Variants in LARP4B observed in about 807,000 individuals in gnomAD.
LARP4B encodes La ribonucleoprotein 4B, also known as la-related protein 4B.
Under a neutral mutation model 89.8 loss-of-function variants are expected in LARP4B, and 12 were observed. That is an observed-to-expected ratio of 0.13 (90% CI 0.09 to 0.22). The LOEUF (loss-of-function observed/expected upper bound fraction) is 0.22, where lower values mean the gene tolerates loss of function less well. Among genes scored for constraint, LARP4B ranks in the 10% least tolerant of loss-of-function variants. The probability of loss-of-function intolerance (pLI) is 1.00; values close to 1 mark genes in which losing one functional copy is unlikely to be tolerated. For synonymous variants in LARP4B, 367 were observed against 363.3 expected (o/e 1.01, Z -0.12); for missense variants, 757 against 947.7 (o/e 0.80, Z 2.64).
At position 810,316 on chromosome 10, in the gene LARP4B, A is replaced by T. The variant is rs1307958914; in HGVS notation, c.*2610T>A. The T allele has an allele frequency of 1.3e-5, 2 of 152,210 alleles. No individual in the cohort carries two copies. Among genetic ancestry groups the T allele is most frequent in the African/African-American group, 4.8e-5 (2 of 41,442 alleles). 9.4% of individuals were successfully genotyped at this position (152,210 alleles called of 1,614,324 possible). A position where few individuals can be genotyped will look rare whatever the true frequency, so the allele number is the denominator to read the frequency against. On this transcript the variant is annotated 3_prime_UTR_variant, in exon 18 of 18. Transcript: ENST00000316157. ...TCTTGAAGTAGTATCAGGTTTTTTC[A>T]GACATTATATAGCAATCTGTATTTC...
intron 5 of LARP4B, among the ~76,000 whole-genome samples, chr10:852,174 C>A (rs530966059): frequency 7.4e-4 from 112 of 152,280 alleles, no homozygotes; most frequent in Middle Eastern, 3.4e-3. Flanking sequence ...TAATACGTAA[C>A]CTCTTCCAAA....
chr10:871,818 C>T (rs759501377), intron 3 of LARP4B, among the ~76,000 whole-genome samples: 2 of 152,138 alleles, frequency 1.3e-5, no homozygotes, highest in Non-Finnish European at 2.9e-5. Context: ...GCTTTGTTAA[C>T]GTCCAAGTAG....
intron 1 of LARP4B, among the ~76,000 whole-genome samples, chr10:899,240 G>T (rs530662033): frequency 1.9e-4 from 29 of 152,194 alleles, no homozygotes; most frequent in Admixed American, 9.8e-4. Flanking sequence ...CCTTACACGG[G>T]GATCTTCAAG....
intron 5 of LARP4B, among the ~76,000 whole-genome samples, chr10:856,420 A>G (rs1834305071): frequency 1.3e-5 from 2 of 152,254 alleles, no homozygotes; most frequent in Non-Finnish European, 2.9e-5. Context: ...AAAATCTAAA[A>G]AGAACAATTA....
intron 1 of LARP4B, among the ~76,000 whole-genome samples, chr10:909,304 A>AACC (rs1836600578): frequency 6.6e-6 from 1 of 151,432 alleles, no homozygotes; most frequent in Non-Finnish European, 1.5e-5. Context: ...AAAAAAAAAA[A>AACC]AAAAAAAAGG....
intron 1 of LARP4B, among the ~76,000 whole-genome samples, chr10:890,933 T>C (rs11253492): frequency 0.16 from 23,830 of 152,082 alleles, 2,029 homozygotes; most frequent in Non-Finnish European, 0.19. Flanking sequence ...ATATTAATAG[T>C]TTAGCAATCA....
chr10:904,489 G>A (rs1309274146), intron 1 of LARP4B, among the ~76,000 whole-genome samples: 3 of 150,080 alleles, frequency 2.0e-5, no homozygotes, highest in Non-Finnish European at 3.0e-5. Flanking sequence ...GGGGGGCGGA[G>A]GGTTGGGGGG....
chr10:877,702 A>T (rs998577928), intron 3 of LARP4B, among the ~76,000 whole-genome samples: 3 of 152,196 alleles, frequency 2.0e-5, no homozygotes, highest in Non-Finnish European at 4.4e-5. Context: ...GTGTTAGGAG[A>T]GTGCACAGTA....
chr10:881,142 A>G (rs555491888), intron 3 of LARP4B, among the ~76,000 whole-genome samples: 1 of 152,224 alleles, frequency 6.6e-6, no homozygotes, highest in Non-Finnish European at 1.5e-5. Context: ...ACCTTTAACC[A>G]AACGACACTG....
At chr10:849,243 TTCTGATA>T (rs1184669082) in intron 5 of LARP4B, among the ~76,000 whole-genome samples, 2 of 152,204 alleles carry the variant, frequency 1.3e-5, no homozygotes, top group Non-Finnish European at 2.9e-5. Flanking sequence ...CAATCTTGGT[TTCTGATA>T]TCACTGTCCA....
Position 811,175 on chromosome 10 carries a change from T to C in LARP4B, c.*1751A>G, listed in dbSNP as rs778082233. The C allele has an allele frequency of 1.3e-5, 2 of 152,612 alleles. No individual in the cohort carries two copies. Among genetic ancestry groups the C allele is most frequent in the Non-Finnish European group, 2.9e-5 (2 of 68,036 alleles). The allele number at this position is 152,612 out of a possible 1,614,324, so 9.5% of individuals were successfully genotyped here. On this transcript the variant is annotated 3_prime_UTR_variant, in exon 18 of 18. Transcript: ENST00000316157. ...AGGCAGAATCAGTTCAACACACCGA[T>C]GTAAGAGAAAAAAGAAAATCTCAAC...
At chr10:895,176 A>G (rs993878582) in intron 1 of LARP4B, among the ~76,000 whole-genome samples, 7 of 152,036 alleles carry the variant, frequency 4.6e-5, no homozygotes, top group African/African-American at 9.7e-5. Context: ...ACAGAGTGAG[A>G]CTCAGTCTCA....
intron 1 of LARP4B, among the ~76,000 whole-genome samples, chr10:925,325 TC>T (rs1206371309): frequency 6.6e-6 from 1 of 152,176 alleles, no homozygotes; most frequent in Non-Finnish European, 1.5e-5. Flanking sequence ...TGAACCCTTT[TC>T]TTACCGTAAT....
At chr10:837,960 A>G (rs1007512594) in intron 7 of LARP4B, among the ~76,000 whole-genome samples, 1 of 152,120 alleles carries the variant, frequency 6.6e-6, no homozygotes, top group African/African-American at 2.4e-5. Flanking sequence ...ACAGCTGTAC[A>G]CTTAGAGAGC....
chr10:934,800 T>C (rs1166056350), upstream of LARP4B, among the ~76,000 whole-genome samples: 1 of 152,232 alleles, frequency 6.6e-6, no homozygotes, highest in African/African-American at 2.4e-5. Context: ...CTGTCAATCC[T>C]ACCTAAAAAC....
In LARP4B at chr10:825,197, C is replaced by G. The variant is rs750590095; in HGVS notation, c.1352G>C (p.Ser451Thr). ...TADRLINGVR[S>T]PQTRQAGQTR... ...TTGACCTGCTTGCCTTGTTTGTGGACTCCGGACACCATTAATTAATCGATC... is the reference window on the plus strand; with the variant it reads ...TTGACCTGCTTGCCTTGTTTGTGGAGTCCGGACACCATTAATTAATCGATC... The change falls in exon 13 of 18, where the codon AGT becomes ACT. Residue 451 changes from serine (S) to threonine (T), a missense_variant. Transcript: ENST00000316157. 1.2e-6 allele frequency: 2 copies of G among 1,614,142 alleles called. No homozygotes were observed. Among genetic ancestry groups the G allele is most frequent in the Non-Finnish European group, 1.7e-6 (2 of 1,180,030 alleles).
At chr10:983,560 A>G in the LARP4B span, among the ~76,000 whole-genome samples, 4 of 152,146 alleles carry the variant, frequency 2.6e-5, no homozygotes, top group African/African-American at 4.8e-5. Flanking sequence ...CTGTGCTCAC[A>G]TGGTCTCTCC....
the LARP4B span, among the ~76,000 whole-genome samples, chr10:945,927 C>G: frequency 4.6e-5 from 7 of 152,174 alleles, no homozygotes; most frequent in Non-Finnish European, 1.0e-4. Context: ...TGCCATCTGC[C>G]TGCCAGGGAG....
the LARP4B span, chr10:987,934 G>A: frequency 6.6e-6 from 1 of 152,492 alleles, no homozygotes; most frequent in African/African-American, 2.4e-5. Context: ...CCGGGATCAA[G>A]TCCCACGCGC....
Sources: gnomAD v4.1 joint callset for allele counts (sites outside exome capture counted in the v4.1 genomes callset) on GRCh38, gnomAD v4.1.1 for gene constraint, MANE v1.5 for transcripts, NCBI Gene and HGNC (gene_info 2026-07-23, HGNC 2026-07-21) for gene names.